Variants in DGLUCY observed in about 807,000 individuals in gnomAD.
The protein encoded by DGLUCY is D-glutamate cyclase.
A neutral mutation model predicts 58.5 loss-of-function variants in DGLUCY; 58 were observed. That is an observed-to-expected ratio of 0.99 (90% CI 0.80 to 1.23). The LOEUF is 1.23. DGLUCY is among the 50% of genes most tolerant of loss of function. The probability of loss-of-function intolerance (pLI) is 0.00; values close to 1 mark genes in which losing one functional copy is unlikely to be tolerated. For synonymous variants in DGLUCY, 325 were observed against 314.1 expected, an observed-to-expected ratio of 1.03 and a Z score of -0.37; for missense variants, 779 against 784.7, an observed-to-expected ratio of 0.99 and a Z score of 0.09.
chr14:91,198,136 G>A (rs139423738), intron 10 of DGLUCY, among the ~76,000 whole-genome samples: 1 of 152,222 alleles, frequency 6.6e-6, no homozygotes, highest in African/African-American at 2.4e-5. Context: ...TCTGCCTCCC[G>A]GGTTCAAGTG....
At chr14:91,176,813 G>A (rs1438757569) in intron 7 of DGLUCY, among the ~76,000 whole-genome samples, 3 of 152,160 alleles carry the variant, frequency 2.0e-5, no homozygotes, top group South Asian at 2.1e-4. Context: ...TGTTGGCCAC[G>A]CTGGTCTTGA....
At chr14:91,144,557 A>G (rs1026320319) in intron 1 of DGLUCY, among the ~76,000 whole-genome samples, 1 of 152,152 alleles carries the variant, frequency 6.6e-6, no homozygotes, top group Non-Finnish European at 1.5e-5. Flanking sequence ...AAGACTGCGT[A>G]TCACAAAAAA....
At chr14:91,143,481 G>C (rs141255120) in intron 1 of DGLUCY, among the ~76,000 whole-genome samples, 26 of 152,274 alleles carry the variant, frequency 1.7e-4, no homozygotes, top group African/African-American at 5.5e-4. Context: ...AAAGCCTTAG[G>C]TGTAATCTAA....
intron 6 of DGLUCY, among the ~76,000 whole-genome samples, chr14:91,175,254 AG>A (rs754275763): frequency 2.3e-4 from 35 of 152,234 alleles, no homozygotes; most frequent in Admixed American, 7.2e-4. Flanking sequence ...AACAGATCCA[AG>A]ATGAAGAGCC....
chr14:91,215,724 G>T, intron 13 of DGLUCY, 168 bp downstream of exon 13: 1 of 1,513,166 alleles, frequency 6.6e-7, no homozygotes, highest in Non-Finnish European at 8.8e-7. Context: ...TGCCCTTTAA[G>T]CTACTCGCAG....
intron 1 of DGLUCY, among the ~76,000 whole-genome samples, chr14:91,117,684 C>T (rs530450860): frequency 3.0e-4 from 45 of 150,868 alleles, no homozygotes; most frequent in Non-Finnish European, 6.1e-4. Context: ...CACACACACA[C>T]ACGCCAAACT....
At chr14:91,122,500 T>C (rs1347531076) in intron 1 of DGLUCY, among the ~76,000 whole-genome samples, 1 of 152,054 alleles carries the variant, frequency 6.6e-6, no homozygotes, top group African/African-American at 2.4e-5. Context: ...AATTATGACA[T>C]TGCATATCAC....
upstream of DGLUCY, among the ~76,000 whole-genome samples, chr14:91,106,461 C>T (rs894798089): frequency 2.0e-5 from 3 of 152,028 alleles, no homozygotes; most frequent in African/African-American, 7.2e-5. Context: ...AATCTCAGCC[C>T]TTTGGGAGGC....
chr14:91,091,933 C>G (rs2044318605), intron 1 of DGLUCY, among the ~76,000 whole-genome samples: 1 of 152,182 alleles, frequency 6.6e-6, no homozygotes, highest in Non-Finnish European at 1.5e-5. Context: ...GTCATCCTTG[C>G]ACCTCTAGGG....
intron 13 of DGLUCY, among the ~76,000 whole-genome samples, chr14:91,219,666 ACACCCTGCC>A (rs1397553313): frequency 6.6e-6 from 1 of 152,210 alleles, no homozygotes; most frequent in Non-Finnish European, 1.5e-5. Flanking sequence ...CTACCTGGGC[ACACCCTGCC>A]CACTCTGGCC....
At chr14:91,223,107 T>C (rs534874766) in intron 13 of DGLUCY, among the ~76,000 whole-genome samples, 4 of 152,340 alleles carry the variant, frequency 2.6e-5, no homozygotes, top group South Asian at 2.1e-4. Context: ...AGGGTACATA[T>C]TGAGTCCATA....
Position 91,081,241 on chromosome 14 carries a change from A to G in DGLUCY, c.-82+20537A>G, listed in dbSNP as rs1043438775. ...AAAAAAAAGCATGTATTAAGAGAAT[A>G]ATAATGAGTAAGCCCTATCTGTGTT... On this transcript the variant is annotated intron_variant, in intron 1 of 4. Transcript: ENST00000521334. 1.1e-4 allele frequency among the ~76,000 whole-genome samples: 17 copies of G among 152,288 alleles called. No homozygotes were observed. The East Asian group carries it at 3.3e-3, about 29-fold the overall frequency.
Position 91,123,155 on chromosome 14 carries a change from T to A in DGLUCY, c.-82+8872T>A, listed in dbSNP as rs368456282. Among the ~76,000 whole-genome samples, 9 of 152,260 alleles carry A rather than the reference T, an allele frequency of 5.9e-5. 1 individual carries two copies. The highest frequency in any genetic ancestry group is 2.2e-4 in the African/African-American group (9 of 41,550). On this transcript the variant is annotated intron_variant, in intron 1 of 13. Transcript: ENST00000256324. Reference sequence around the variant, plus strand: ...AGTGACGGCCACCAGACTTGAAGTATCATGAGTACCTGGATCATCACAGAG... The same window carrying A: ...AGTGACGGCCACCAGACTTGAAGTAACATGAGTACCTGGATCATCACAGAG...
At chr14:91,220,982 CT>C (rs1887391123) in intron 13 of DGLUCY, among the ~76,000 whole-genome samples, 1 of 152,252 alleles carries the variant, frequency 6.6e-6, no homozygotes. Flanking sequence ...GTTTCCTGGA[CT>C]TCCCCCACCT....
chr14:91,072,332 A>G (rs1223766186), intron 1 of DGLUCY, among the ~76,000 whole-genome samples: 2 of 152,182 alleles, frequency 1.3e-5, no homozygotes, highest in Non-Finnish European at 2.9e-5. Flanking sequence ...TCAAAAAAAA[A>G]AAAAAGAACT....
At chr14:91,159,403 C>T (rs140555761) in intron 2 of DGLUCY, among the ~76,000 whole-genome samples, 57 of 152,234 alleles carry the variant, frequency 3.7e-4, no homozygotes, top group African/African-American at 1.3e-3. Flanking sequence ...GCTGAGATTG[C>T]GCCACTGTAC....
intron 11 of DGLUCY, among the ~76,000 whole-genome samples, 190 bp downstream of exon 11, chr14:91,200,095 C>A (rs939232453): frequency 6.6e-6 from 1 of 152,134 alleles, no homozygotes; most frequent in Admixed American, 6.6e-5. Context: ...GCTGGAATTA[C>A]AGGCATGCAC....
intron 9 of DGLUCY, among the ~76,000 whole-genome samples, chr14:91,192,463 T>C (rs2049957524): frequency 6.6e-6 from 1 of 152,040 alleles, no homozygotes; most frequent in African/African-American, 2.4e-5. Context: ...GCTACTGAAC[T>C]ATACACTTGA....
chr14:91,149,385 C>G (rs964333562), intron 1 of DGLUCY, among the ~76,000 whole-genome samples: 3 of 152,178 alleles, frequency 2.0e-5, no homozygotes, highest in African/African-American at 7.2e-5. Flanking sequence ...AAATTCTCTC[C>G]CAGTGATGGA....
Sources: allele counts gnomAD v4.1 joint callset (sites outside exome capture counted in the v4.1 genomes callset), GRCh38; gene constraint gnomAD v4.1.1; transcripts MANE v1.5; gene names NCBI Gene and HGNC (gene_info 2026-07-23, HGNC 2026-07-21).